Variants in RBM26 observed in about 807,000 individuals in gnomAD.
RBM26 encodes RNA-binding protein 26.
Under a neutral mutation model 123.6 loss-of-function variants are expected in RBM26, and 30 were observed. The observed-to-expected ratio is 0.24, with a 90% confidence interval of 0.18 to 0.33. The LOEUF is 0.33. RBM26 is among the 10% of genes least tolerant of loss of function. The probability of loss-of-function intolerance (pLI) is 1.00; values close to 1 mark genes in which losing one functional copy is unlikely to be tolerated. For missense variants in RBM26, 947 were observed against 1,203.6 expected (o/e 0.79, Z 3.15); for synonymous variants, 400 against 404.4 (o/e 0.99, Z 0.13).
At chr13:79,367,406 CAAAAAAAAAAAAA>C (rs776345304) in intron 6 of RBM26, among the ~76,000 whole-genome samples, 3,351 of 39,682 alleles carry the variant, frequency 0.084, 228 homozygotes, top group African/African-American at 0.18. Context: ...GACTCCATCT[CAAAAAAAAAAAAA>C]AAAAAAAAAA....
chr13:79,346,530 AC>A (rs1566386480), intron 14 of RBM26, among the ~76,000 whole-genome samples: 1 of 151,712 alleles, frequency 6.6e-6, no homozygotes, highest in East Asian at 1.9e-4. Flanking sequence ...GCACCACCAC[AC>A]CCGGCTAATG....
At chr13:79,383,267 A>G (rs1228052584) in intron 1 of RBM26, among the ~76,000 whole-genome samples, 1 of 152,210 alleles carries the variant, frequency 6.6e-6, no homozygotes, top group Admixed American at 6.5e-5. Flanking sequence ...AAATCTGTTC[A>G]TAAGATACTG....
intron 13 of RBM26, among the ~76,000 whole-genome samples, chr13:79,353,466 T>C (rs544583361): frequency 2.6e-5 from 4 of 152,172 alleles, no homozygotes; most frequent in Non-Finnish European, 4.4e-5. Flanking sequence ...AGCCACGTGG[T>C]TGCTAAAGTC....
intron 1 of RBM26, among the ~76,000 whole-genome samples, chr13:79,404,645 T>C (rs2079359588): frequency 6.6e-6 from 1 of 152,146 alleles, no homozygotes; most frequent in South Asian, 2.1e-4. Flanking sequence ...GGCCTTTCAT[T>C]TGCTCTTCCT....
At chr13:79,315,660 AG>A (rs2067079655), downstream of RBM26, among the ~76,000 whole-genome samples, 1 of 151,856 alleles carries the variant, frequency 6.6e-6, no homozygotes, top group African/African-American at 2.4e-5. Context: ...CGAAAAAAGT[AG>A]AATTTTAAAA....
chr13:79,343,383 G>C (rs936195950), intron 16 of RBM26, among the ~76,000 whole-genome samples: 1 of 151,882 alleles, frequency 6.6e-6, no homozygotes, highest in East Asian at 1.9e-4. Flanking sequence ...GAAGCCACAT[G>C]ATTTATTGTA....
intron 7 of RBM26, 116 bp from the exon 8 acceptor site, chr13:79,366,311 C>T: frequency 8.9e-7 from 1 of 1,119,128 alleles, no homozygotes; most frequent in South Asian, 1.7e-5. Context: ...AAACACCAAG[C>T]CCTTACAACT....
chr13:79,365,762 C>T (rs2075194935), intron 8 of RBM26, 44 bp from the exon 9 acceptor site: 8 of 1,567,518 alleles, frequency 5.1e-6, no homozygotes, highest in Non-Finnish European at 7.0e-6. Context: ...TATAAAACTC[C>T]ACTTGGTAAT....
At chr13:79,391,366 A>T (rs1320052182) in intron 1 of RBM26, among the ~76,000 whole-genome samples, 2 of 152,244 alleles carry the variant, frequency 1.3e-5, no homozygotes, top group Non-Finnish European at 2.9e-5. Flanking sequence ...ACTACAATAG[A>T]AAATCCAAAC....
rs537483092 is a variant in RBM26 at position 79,383,673 on chromosome 13, G to T, written c.72-4766C>A. 3.3e-5 allele frequency among the ~76,000 whole-genome samples: 5 copies of T among 151,836 alleles called. No homozygotes were observed. The East Asian group carries it at 5.8e-4, about 18-fold the overall frequency. Reference sequence around the variant, plus strand: ...GTTGCCACGGAATTTACATTGGGGGGTGGGGGGAACCAATATGCATATTAC... The same window carrying T: ...GTTGCCACGGAATTTACATTGGGGGTTGGGGGGAACCAATATGCATATTAC... On this transcript the variant is annotated intron_variant, in intron 1 of 21. Coordinates refer to ENST00000438737, the MANE Select transcript of RBM26 (RefSeq NM_001366735.2).
intron 15 of RBM26, 95 bp from the exon 16 acceptor site, chr13:79,344,417 C>A: frequency 9.9e-7 from 1 of 1,009,042 alleles, no homozygotes; most frequent in Non-Finnish European, 1.5e-6. Context: ...AGAAGTCTGT[C>A]AACAAAAATT....
At chr13:79,368,303 G>T (rs2075548451) in intron 6 of RBM26, among the ~76,000 whole-genome samples, 1 of 152,200 alleles carries the variant, frequency 6.6e-6, no homozygotes, top group Admixed American at 6.5e-5. Flanking sequence ...TGGGATTACA[G>T]GCGTGAGCCG....
downstream of RBM26, chr13:79,314,140 TAA>T (rs923481282): frequency 6.6e-6 from 1 of 151,756 alleles, no homozygotes; most frequent in Non-Finnish European, 1.5e-5. Flanking sequence ...TAAGCCATAT[TAA>T]GTCATACTGC....
At chr13:79,392,638 T>C (rs58884513) in intron 1 of RBM26, among the ~76,000 whole-genome samples, 3,254 of 149,038 alleles carry the variant, frequency 0.022, 120 homozygotes, top group African/African-American at 0.071. Context: ...ACCTAACTTT[T>C]ATAAAACAAA....
At chr13:79,403,814 G>T (rs1019746231) in intron 1 of RBM26, among the ~76,000 whole-genome samples, 1 of 152,160 alleles carries the variant, frequency 6.6e-6, no homozygotes, top group African/African-American at 2.4e-5. Context: ...CTCTACTCCA[G>T]TGAAACTATT....
At chr13:79,340,201 A>T (rs2071134299) in intron 18 of RBM26, among the ~76,000 whole-genome samples, 1 of 152,014 alleles carries the variant, frequency 6.6e-6, no homozygotes, top group Non-Finnish European at 1.5e-5. Flanking sequence ...CAGGACACAC[A>T]TGCAACCACA....
chr13:79,332,839 G>A (rs550749895), intron 20 of RBM26, among the ~76,000 whole-genome samples: 2 of 152,138 alleles, frequency 1.3e-5, no homozygotes, highest in Admixed American at 6.5e-5. Flanking sequence ...AAGTCTTTCC[G>A]CGAGCAAAAT....
chr13:79,346,307 C>T (rs2072320495), intron 14 of RBM26, among the ~76,000 whole-genome samples: 1 of 152,144 alleles, frequency 6.6e-6, no homozygotes, highest in South Asian at 2.1e-4. Context: ...TATAATTGTA[C>T]TAGTTTCATA....
intron 1 of RBM26, among the ~76,000 whole-genome samples, chr13:79,379,431 T>C (rs2076906825): frequency 6.8e-6 from 1 of 147,802 alleles, no homozygotes; most frequent in African/African-American, 2.5e-5. Flanking sequence ...TAGTCCCAGC[T>C]ACTCGGGAGG....
Sources: allele counts gnomAD v4.1 joint callset (sites outside exome capture counted in the v4.1 genomes callset), GRCh38; gene constraint gnomAD v4.1.1; transcripts MANE v1.5; gene names NCBI Gene and HGNC (gene_info 2026-07-23, HGNC 2026-07-21).